The following KCNN2 variants were observed in gnomAD, a reference collection of about 807,000 sequenced individuals.
KCNN2 encodes the protein small conductance calcium-activated potassium channel protein 2.
KCNN2 carries 24 observed loss-of-function variants against 55.5 expected under a neutral mutation model. The observed-to-expected ratio is 0.43, with a 90% CI of 0.31 to 0.61. The LOEUF is 0.61. KCNN2 is among the 20% of genes least tolerant of loss of function. The pLI is 0.08. For missense variants in KCNN2, 754 were observed against 853.6 expected (o/e 0.88, Z 1.45); for synonymous variants, 431 against 336.1 (o/e 1.28, Z -3.09).
chr5:114,427,972 T>C (rs1759679047), intron 3 of KCNN2, among the ~76,000 whole-genome samples: 1 of 152,154 alleles, frequency 6.6e-6, no homozygotes, highest in Non-Finnish European at 1.5e-5. Flanking sequence ...ATAATGGGCA[T>C]TTGCTCCTAG....
intron 2 of KCNN2, among the ~76,000 whole-genome samples, chr5:114,346,931 C>T (rs1053771517): frequency 2.6e-5 from 4 of 152,196 alleles, no homozygotes; most frequent in Admixed American, 1.3e-4. Flanking sequence ...AGGGGCCAAC[C>T]TGAAGGAGCT....
chr5:114,339,302 G>GT lies in KCNN2; in HGVS notation c.-184-21642dup, dbSNP rs562309514. Among the ~76,000 whole-genome samples the GT allele has an allele frequency of 2.3e-4, 35 of 152,260 alleles. No homozygotes were observed. The South Asian group carries it at 6.4e-3, about 28-fold the overall frequency. The stretch of plus-strand genomic sequence containing the variant: ...TTTCCAGGCTTCATTTCTGGTTACT[G>GT]TCAACCTTTACACCCTTGCTAGATA... On this transcript the variant is annotated intron_variant, in intron 2 of 10. Transcript: ENST00000512097.
intron 2 of KCNN2, among the ~76,000 whole-genome samples, chr5:114,262,410 A>G (rs557148536): frequency 3.9e-5 from 6 of 152,342 alleles, no homozygotes; most frequent in South Asian, 2.1e-4. Flanking sequence ...ACAAGAAGTT[A>G]TATGACTTCT....
chr5:114,173,438 T>TTGTGTGTG (rs61630138), intron 1 of KCNN2, among the ~76,000 whole-genome samples: 32 of 142,198 alleles, frequency 2.3e-4, no homozygotes, highest in Non-Finnish European at 3.7e-4. Context: ...TTTGTTTTGT[T>TTGTGTGTG]TGTGTGTGTG....
intron 3 of KCNN2, among the ~76,000 whole-genome samples, chr5:114,438,635 C>G (rs1004547830): frequency 6.6e-6 from 1 of 152,164 alleles, no homozygotes; most frequent in Admixed American, 6.5e-5. Flanking sequence ...ATGATGCTTC[C>G]TCCTGTCCCC....
intron 3 of KCNN2, among the ~76,000 whole-genome samples, chr5:114,447,210 T>A (rs539521867): frequency 1.3e-5 from 2 of 152,360 alleles, no homozygotes; most frequent in South Asian, 2.1e-4. Context: ...CCCCTGTGGC[T>A]ACCAAGCTGG....
intron 2 of KCNN2, among the ~76,000 whole-genome samples, chr5:114,317,096 C>G (rs917311689): frequency 6.6e-6 from 1 of 152,094 alleles, no homozygotes; most frequent in Non-Finnish European, 1.5e-5. Flanking sequence ...ATCTCTCTTC[C>G]TAGTGAACTT....
chr5:114,282,632 G>A (rs1425212178), intron 2 of KCNN2, among the ~76,000 whole-genome samples: 1 of 152,080 alleles, frequency 6.6e-6, no homozygotes, highest in Non-Finnish European at 1.5e-5. Context: ...CTACATTTGT[G>A]TCCTTTTTAT....
chr5:114,324,661 T>C (rs574853336), intron 2 of KCNN2, among the ~76,000 whole-genome samples: 2 of 152,316 alleles, frequency 1.3e-5, no homozygotes, highest in African/African-American at 4.8e-5. Flanking sequence ...GCCACTAAGT[T>C]TGTGATAATT....
intron 2 of KCNN2, among the ~76,000 whole-genome samples, chr5:114,284,146 G>A (rs368298131): frequency 6.6e-6 from 1 of 152,144 alleles, no homozygotes; most frequent in East Asian, 1.9e-4. Context: ...GAACAGGAGG[G>A]CTCTAGTTCA....
At chr5:114,372,631 A>G (rs958703599) in intron 2 of KCNN2, among the ~76,000 whole-genome samples, 1 of 152,214 alleles carries the variant, frequency 6.6e-6, no homozygotes, top group Admixed American at 6.6e-5. Context: ...ATGTTAGAAA[A>G]TTTGTGAAAC....
intron 1 of KCNN2, among the ~76,000 whole-genome samples, chr5:114,199,508 A>G (rs1169166196): frequency 2.7e-5 from 4 of 150,498 alleles, no homozygotes; most frequent in Admixed American, 1.3e-4. Context: ...CATCTTTTTC[A>G]TTGTCTTTTT....
chr5:114,062,564 A>G (rs923234264), intron 1 of KCNN2, among the ~76,000 whole-genome samples: 6 of 152,232 alleles, frequency 3.9e-5, no homozygotes, highest in Non-Finnish European at 8.8e-5. Flanking sequence ...TCAGTGTACT[A>G]GGGATCAAGT....
At chr5:114,150,495 G>T (rs948854560) in intron 1 of KCNN2, among the ~76,000 whole-genome samples, 1 of 152,238 alleles carries the variant, frequency 6.6e-6, no homozygotes, top group South Asian at 2.1e-4. Flanking sequence ...AAATCAAAAC[G>T]TCGACAGCAT....
intron 3 of KCNN2, among the ~76,000 whole-genome samples, chr5:114,462,678 G>A (rs144035588): frequency 6.6e-6 from 1 of 152,324 alleles, no homozygotes; most frequent in Non-Finnish European, 1.5e-5. Flanking sequence ...TTACAAAGGT[G>A]TGGAGTGAGA....
chr5:114,173,944 C>A (rs928567613), intron 1 of KCNN2, among the ~76,000 whole-genome samples: 9 of 151,730 alleles, frequency 5.9e-5, no homozygotes, highest in African/African-American at 2.2e-4. Flanking sequence ...TTGCACTCAA[C>A]CTCCAAGCAT....
intron 2 of KCNN2, among the ~76,000 whole-genome samples, chr5:114,263,760 A>G (rs1755157106): frequency 6.6e-6 from 1 of 152,216 alleles, no homozygotes; most frequent in Non-Finnish European, 1.5e-5. Flanking sequence ...GTGATCGAAT[A>G]CTAAAACAAC....
intron 2 of KCNN2, among the ~76,000 whole-genome samples, chr5:114,372,900 A>C (rs1021137251): frequency 3.3e-5 from 5 of 152,140 alleles, no homozygotes; most frequent in Admixed American, 6.6e-5. Context: ...TTGGACACTT[A>C]AAAATTAGAA....
intron 1 of KCNN2, among the ~76,000 whole-genome samples, chr5:114,095,130 C>G (rs1289891128): frequency 6.6e-6 from 1 of 152,042 alleles, no homozygotes; most frequent in East Asian, 1.9e-4. Context: ...ATCTTTATAA[C>G]AGTGTTGTTT....
Sources: allele counts gnomAD v4.1 joint callset (sites outside exome capture counted in the v4.1 genomes callset), GRCh38; gene constraint gnomAD v4.1.1; transcripts MANE v1.5; gene names NCBI Gene and HGNC (gene_info 2026-07-23, HGNC 2026-07-21).